Variants in ROBO2 observed in about 807,000 individuals in gnomAD.
The protein encoded by ROBO2 is roundabout guidance receptor 2.
In ROBO2, 53 loss-of-function variants were observed where a neutral mutation model predicts 160.8. That is an observed-to-expected ratio of 0.33 (90% CI 0.26 to 0.41). The LOEUF is 0.41. Ranked by LOEUF, ROBO2 falls within the 10% of genes least tolerant of loss-of-function variation. The pLI, the probability that ROBO2 is intolerant of heterozygous loss-of-function variation, is 1.00. For missense variants in ROBO2, 1,577 were observed against 1,722.4 expected, an observed-to-expected ratio of 0.92 and a Z score of 1.49; for synonymous variants, 664 against 611.7, an observed-to-expected ratio of 1.09 and a Z score of -1.26.
chr3:76,756,758 C>T (rs2060995058), intron 2 of ROBO2, among the ~76,000 whole-genome samples: 1 of 151,798 alleles, frequency 6.6e-6, no homozygotes, highest in Non-Finnish European at 1.5e-5. Context: ...GCTTTCAAAC[C>T]GGTTTTGATT....
In ROBO2 at chr3:76,243,580, G is replaced by A. The variant is rs368877804; in HGVS notation, c.109+305978G>A. Among the ~76,000 whole-genome samples, 20 of 152,302 alleles carry A rather than the reference G, an allele frequency of 1.3e-4. No homozygotes were observed. The East Asian group carries it at 1.5e-3, about 12-fold the overall frequency. On this transcript the variant is annotated intron_variant, in intron 2 of 26. Coordinates refer to the ROBO2 transcript ENST00000487694. The stretch of plus-strand genomic sequence containing the variant: ...TAGAGCTTTAAGCTGGAGGGCTGAG[G>A]ACGATAAAAACTGCAGGAGCTTAGG...
At chr3:76,210,545 A>G (rs954981687) in intron 2 of ROBO2, among the ~76,000 whole-genome samples, 1 of 152,076 alleles carries the variant, frequency 6.6e-6, no homozygotes, top group South Asian at 2.1e-4. Context: ...TCAATACCAA[A>G]TTTATTTTTA....
intron 2 of ROBO2, among the ~76,000 whole-genome samples, chr3:76,408,254 T>C (rs950866854): frequency 6.6e-5 from 10 of 152,044 alleles, no homozygotes; most frequent in African/African-American, 2.4e-4. Context: ...TTGGAAGGGA[T>C]TGAGAAAGGT....
chr3:77,287,259 A>G (rs1401966683), intron 2 of ROBO2, among the ~76,000 whole-genome samples: 1 of 152,204 alleles, frequency 6.6e-6, no homozygotes, highest in Non-Finnish European at 1.5e-5. Flanking sequence ...CCTTGCAAAA[A>G]AATCTTATAG....
At chr3:75,910,812 C>T (rs984128016) in intron 1 of ROBO2, among the ~76,000 whole-genome samples, 1 of 152,058 alleles carries the variant, frequency 6.6e-6, no homozygotes, top group Non-Finnish European at 1.5e-5. Flanking sequence ...GGATATATTA[C>T]ACAAGAGTGA....
intron 2 of ROBO2, among the ~76,000 whole-genome samples, chr3:76,480,765 C>T (rs1019408997): frequency 6.6e-6 from 1 of 152,098 alleles, no homozygotes; most frequent in African/African-American, 2.4e-5. Flanking sequence ...AGAATTTGGG[C>T]ATACATATTT....
At chr3:76,179,935 A>G (rs1701422975) in intron 2 of ROBO2, among the ~76,000 whole-genome samples, 1 of 152,132 alleles carries the variant, frequency 6.6e-6, no homozygotes, top group Admixed American at 6.6e-5. Flanking sequence ...GCATTTGTTT[A>G]CAACTATAGA....
chr3:76,071,594 A>G (rs2068456468), intron 2 of ROBO2, among the ~76,000 whole-genome samples: 1 of 151,922 alleles, frequency 6.6e-6, no homozygotes, highest in South Asian at 2.1e-4. Context: ...GATGTTCTTT[A>G]AATACAAGCT....
intron 6 of ROBO2, among the ~76,000 whole-genome samples, chr3:77,529,790 C>T (rs2091489671): frequency 6.6e-6 from 1 of 151,806 alleles, no homozygotes; most frequent in Non-Finnish European, 1.5e-5. Context: ...AAATCTATCT[C>T]AAATGACTTA....
intron 2 of ROBO2, among the ~76,000 whole-genome samples, chr3:76,405,523 A>G (rs2108790408): frequency 6.6e-6 from 1 of 151,932 alleles, no homozygotes; most frequent in East Asian, 1.9e-4. Flanking sequence ...AAATCTGGTC[A>G]TCAGTCCATC....
At chr3:76,717,185 A>T (rs1317942347) in intron 2 of ROBO2, among the ~76,000 whole-genome samples, 2 of 152,170 alleles carry the variant, frequency 1.3e-5, no homozygotes, top group African/African-American at 2.4e-5. Flanking sequence ...TCTTCATGAA[A>T]GGTAGCTTGA....
At position 76,218,579 on chromosome 3, in the gene ROBO2, T is replaced by C. The variant is rs571011649; in HGVS notation, c.109+280977T>C. 2.6e-5 allele frequency among the ~76,000 whole-genome samples: 4 copies of C among 152,066 alleles called. No homozygotes were observed. The East Asian group carries it at 7.7e-4, about 29-fold the overall frequency. ...CCATTCATAATTGCTTCAAAGAGAA[T>C]AAAATACCTAGGAATCCAACTTACA... is the stretch of plus-strand genomic sequence containing the variant. On this transcript the variant is annotated intron_variant, in intron 2 of 26. Transcript: ENST00000487694.
chr3:76,603,332 C>CAAAAAAA (rs61547121), intron 2 of ROBO2, among the ~76,000 whole-genome samples: 7 of 66,530 alleles, frequency 1.1e-4, no homozygotes, highest in African/African-American at 5.8e-4. Flanking sequence ...ACTCCATCTC[C>CAAAAAAA]AAAAAAAAAA....
chr3:76,446,960 C>A (rs1223711590), intron 2 of ROBO2, among the ~76,000 whole-genome samples: 1 of 152,138 alleles, frequency 6.6e-6, no homozygotes, highest in Admixed American at 6.6e-5. Flanking sequence ...CTAGGCAATA[C>A]CATTCAGGAC....
chr3:76,169,926 G>A (rs946507582), intron 2 of ROBO2, among the ~76,000 whole-genome samples: 17 of 152,050 alleles, frequency 1.1e-4, no homozygotes, highest in South Asian at 4.2e-4. Flanking sequence ...GACTACAGGC[G>A]CCCGCCACCA....
chr3:76,221,205 G>A (rs1249721966), intron 2 of ROBO2, among the ~76,000 whole-genome samples: 1 of 152,220 alleles, frequency 6.6e-6, no homozygotes, highest in Non-Finnish European at 1.5e-5. Context: ...AGAAGATAAA[G>A]TCATGAGCAT....
intron 2 of ROBO2, among the ~76,000 whole-genome samples, chr3:76,385,795 C>T (rs2076854924): frequency 1.3e-5 from 2 of 151,808 alleles, no homozygotes. Flanking sequence ...AAAAAAAAGA[C>T]TGATTTAAGT....
In ROBO2 at chr3:77,299,998, G is replaced by GA. The variant is rs143384627; in HGVS notation, c.389-177409dup. On this transcript the variant is annotated intron_variant, in intron 2 of 25. Coordinates refer to ENST00000461745, the Ensembl canonical transcript of ROBO2. ...TCACTCATCATATTCTCATAGTTTG[G>GA]AAAAAAATACCTCACTCTTTCTCCC... 5.1e-3 allele frequency among the ~76,000 whole-genome samples: 769 copies of GA among 151,820 alleles called. 5 individuals carry two copies. Among genetic ancestry groups the GA allele is most frequent in the African/African-American group, 0.017 (716 of 41,426 alleles).
At chr3:76,673,086 A>G (rs562687427) in intron 2 of ROBO2, among the ~76,000 whole-genome samples, 1 of 151,702 alleles carries the variant, frequency 6.6e-6, no homozygotes, top group African/African-American at 2.4e-5. Context: ...GTTTTCCTAA[A>G]TCCACTTCTG....
Sources: gnomAD v4.1 joint callset for allele counts (sites outside exome capture counted in the v4.1 genomes callset) on GRCh38, gnomAD v4.1.1 for gene constraint, MANE v1.5 for transcripts, NCBI Gene and HGNC (gene_info 2026-07-23, HGNC 2026-07-21) for gene names.